Variants in PTPRR observed in about 807,000 individuals in gnomAD.
PTPRR encodes the protein receptor-type tyrosine-protein phosphatase R.
PTPRR carries 38 observed loss-of-function variants against 77.2 expected under a neutral mutation model. That is an observed-to-expected ratio of 0.49 (90% CI 0.38 to 0.65). The LOEUF is 0.65. Ranked by LOEUF, PTPRR falls within the 30% of genes least tolerant of loss-of-function variation. The probability of loss-of-function intolerance (pLI) is 0.00; values close to 1 mark genes in which losing one functional copy is unlikely to be tolerated. For synonymous variants in PTPRR, 299 were observed against 283.1 expected, an observed-to-expected ratio of 1.06 and a Z score of -0.57; for missense variants, 744 against 799.2, an observed-to-expected ratio of 0.93 and a Z score of 0.83.
intron 2 of PTPRR, among the ~76,000 whole-genome samples, chr12:70,876,624 T>C (rs749694841): frequency 2.0e-5 from 3 of 152,212 alleles, no homozygotes; most frequent in Admixed American, 6.5e-5. Flanking sequence ...TTTACATCCC[T>C]ACATGAGTGT....
intron 1 of PTPRR, among the ~76,000 whole-genome samples, chr12:70,895,899 C>A (rs17109005): frequency 1.3e-5 from 2 of 151,550 alleles, no homozygotes; most frequent in Non-Finnish European, 3.0e-5. Flanking sequence ...TTAGTGAAGC[C>A]GTAATTCTAA....
At chr12:70,872,931 TGTGCA>T (rs2137093798) in intron 2 of PTPRR, among the ~76,000 whole-genome samples, 1 of 152,288 alleles carries the variant, frequency 6.6e-6, no homozygotes, top group Non-Finnish European at 1.5e-5. Flanking sequence ...ATCTGGCATT[TGTGCA>T]TAATATAAAT....
At chr12:70,722,485 CT>C (rs1172853131) in intron 6 of PTPRR, among the ~76,000 whole-genome samples, 1 of 152,056 alleles carries the variant, frequency 6.6e-6, no homozygotes, top group Non-Finnish European at 1.5e-5. Flanking sequence ...TGTAATTTTT[CT>C]TTTTTAAGAG....
chr12:70,865,331 A>G (rs530656997), intron 2 of PTPRR, among the ~76,000 whole-genome samples: 2 of 152,320 alleles, frequency 1.3e-5, no homozygotes, highest in African/African-American at 2.4e-5. Flanking sequence ...ATACAGATGA[A>G]GAAAGTCTTT....
chr12:70,820,353 G>A (rs2458444), intron 2 of PTPRR, among the ~76,000 whole-genome samples: 5,858 of 152,116 alleles, frequency 0.039, 381 homozygotes, highest in African/African-American at 0.13. Context: ...TTGGTGAGAT[G>A]GAGTCTCACT....
At chr12:70,818,226 A>G (rs923969189) in intron 2 of PTPRR, among the ~76,000 whole-genome samples, 3 of 137,050 alleles carry the variant, frequency 2.2e-5, no homozygotes, top group Non-Finnish European at 4.7e-5. Flanking sequence ...ACAAAGTGAA[A>G]CTCCGTCTCA....
At chr12:70,799,862 G>A (rs998250739) in intron 2 of PTPRR, among the ~76,000 whole-genome samples, 2 of 152,200 alleles carry the variant, frequency 1.3e-5, no homozygotes, top group Non-Finnish European at 2.9e-5. Flanking sequence ...ATCTCAGAGA[G>A]AGCAGCAGCA....
chr12:70,879,818 C>T (rs113289743), intron 2 of PTPRR, among the ~76,000 whole-genome samples: 6 of 151,646 alleles, frequency 4.0e-5, no homozygotes, highest in Middle Eastern at 3.4e-3. Context: ...TGCAAAAACA[C>T]GCATAATACA....
chr12:70,691,045 AT>A (rs1389621993), intron 8 of PTPRR, among the ~76,000 whole-genome samples: 10 of 152,174 alleles, frequency 6.6e-5, no homozygotes, highest in African/African-American at 2.4e-4. Context: ...AGTTCTATAT[AT>A]CCTTCTCTAG....
chr12:70,725,922 G>A (rs954688431), intron 6 of PTPRR, among the ~76,000 whole-genome samples: 6 of 151,992 alleles, frequency 3.9e-5, no homozygotes, highest in African/African-American at 1.2e-4. Context: ...GTCTCTCTTC[G>A]CTAAGGAGGG....
Position 70,795,940 on chromosome 12 carries a change from T to TTTTTTG in PTPRR, c.358-31163_358-31162insCAAAAA, listed in dbSNP as rs1436544409. Among the ~76,000 whole-genome samples, 115 of 133,490 alleles carry TTTTTTG rather than the reference T, an allele frequency of 8.6e-4. 5 individuals are homozygous for TTTTTTG. Among genetic ancestry groups the TTTTTTG allele is most frequent in the African/African-American group, 2.0e-3 (69 of 35,258 alleles). The allele number at this position is 133,490 out of a possible 152,430, so 87.6% of individuals were successfully genotyped here. On this transcript the variant is annotated intron_variant, in intron 2 of 13. Transcript: ENST00000283228. ...TTTTTTTTTTTTTTTTTTTTTTTTT[T>TTTTTTG]TGACACAGAGTCTTGCCCTGTGACC...
chr12:70,907,027 A>T (rs932502706), intron 1 of PTPRR: 1 of 152,216 alleles, frequency 6.6e-6, no homozygotes, highest in Admixed American at 6.5e-5. Flanking sequence ...AAAGAAAACT[A>T]AAATAAAATT....
chr12:70,824,099 CA>C (rs1203526280), intron 2 of PTPRR, among the ~76,000 whole-genome samples: 1 of 152,198 alleles, frequency 6.6e-6, no homozygotes, highest in Non-Finnish European at 1.5e-5. Flanking sequence ...CAACGTTAGA[CA>C]GACTTATTGG....
At chr12:70,764,617 CCA>C (rs1890770185) in intron 3 of PTPRR, 46 bp downstream of exon 3, 2 of 1,475,524 alleles carry the variant, frequency 1.4e-6, no homozygotes, top group Admixed American at 1.7e-5. Context: ...ATTAAAAAAA[CCA>C]CACACACGGC....
At chr12:70,841,089 C>T (rs1188478971) in intron 2 of PTPRR, among the ~76,000 whole-genome samples, 1 of 151,182 alleles carries the variant, frequency 6.6e-6, no homozygotes, top group Non-Finnish European at 1.5e-5. Context: ...ATTTCCTGCA[C>T]TAAACCTTTT....
At chr12:70,773,983 T>A (rs1891037045) in intron 2 of PTPRR, among the ~76,000 whole-genome samples, 2 of 152,212 alleles carry the variant, frequency 1.3e-5, no homozygotes, top group Admixed American at 1.3e-4. Flanking sequence ...CTACCTGGCA[T>A]ACCTGGGAGA....
intron 2 of PTPRR, among the ~76,000 whole-genome samples, chr12:70,887,822 C>T (rs886161589): frequency 1.3e-5 from 2 of 151,966 alleles, no homozygotes; most frequent in African/African-American, 4.8e-5. Context: ...GCTTCCCAAA[C>T]CTCTGAAAAC....
intron 7 of PTPRR, among the ~76,000 whole-genome samples, chr12:70,699,710 C>T (rs1302765140): frequency 6.6e-6 from 1 of 152,170 alleles, no homozygotes; most frequent in African/African-American, 2.4e-5. Flanking sequence ...AATGTTTTAA[C>T]CTGTTTGTTC....
At chr12:70,891,735 A>G (rs564030428) in intron 2 of PTPRR, among the ~76,000 whole-genome samples, 98 of 152,250 alleles carry the variant, frequency 6.4e-4, no homozygotes, top group African/African-American at 2.2e-3. Context: ...GATTCTCAAT[A>G]TTAAGTAAAG....
Sources: gnomAD v4.1 joint callset for allele counts (sites outside exome capture counted in the v4.1 genomes callset) on GRCh38, gnomAD v4.1.1 for gene constraint, MANE v1.5 for transcripts, NCBI Gene and HGNC (gene_info 2026-07-23, HGNC 2026-07-21) for gene names.